NALF1: variants seen among roughly 807,000 people sequenced by gnomAD.
NALF1 encodes NALCN channel auxiliary factor 1, also known as family with sequence similarity 155 member A.
A neutral mutation model predicts 48.4 loss-of-function variants in NALF1; 3 were observed. That is an observed-to-expected ratio of 0.06 (90% CI 0.03 to 0.16). The LOEUF (loss-of-function observed/expected upper bound fraction) is 0.16. Among genes scored for constraint, NALF1 ranks in the 10% least tolerant of loss-of-function variants. The pLI, the probability that NALF1 is intolerant of heterozygous loss-of-function variation, is 1.00. For synonymous variants in NALF1, 262 were observed against 245.7 expected (o/e 1.07, Z -0.62); for missense variants, 526 against 571.5 (o/e 0.92, Z 0.81).
At chr13:107,804,511 C>A (rs1878716045) in intron 1 of NALF1, among the ~76,000 whole-genome samples, 1 of 152,040 alleles carries the variant, frequency 6.6e-6, no homozygotes, top group Non-Finnish European at 1.5e-5. Flanking sequence ...AAGTCCTGGA[C>A]TAGTCCCCAA....
rs1880240103 is a variant in NALF1, at chr13:107,848,813, A to G, written c.915+16869T>C. 2.0e-5 allele frequency among the ~76,000 whole-genome samples: 3 copies of G among 152,328 alleles called. No homozygotes were observed. In the South Asian group the frequency reaches 6.2e-4, roughly 32 times the overall value. Reference sequence around the variant, plus strand: ...ATTTGATACTAAATGATTTAAATGAACAGGCAGGGGAAATTTCTGAAATAC... The same window carrying G: ...ATTTGATACTAAATGATTTAAATGAGCAGGCAGGGGAAATTTCTGAAATAC... On this transcript the variant is annotated intron_variant, in intron 1 of 2. Coordinates refer to ENST00000375915, the MANE Select transcript of NALF1 (RefSeq NM_001080396.3).
At chr13:107,503,743 G>T (rs999770901) in intron 1 of NALF1, among the ~76,000 whole-genome samples, 4 of 26,828 alleles carry the variant, frequency 1.5e-4, no homozygotes, top group African/African-American at 4.3e-4. Context: ...TGTGTGTCTG[G>T]TGTGTGTGTT....
At chr13:107,183,500 C>A (rs1042654973) in intron 2 of NALF1, among the ~76,000 whole-genome samples, 1 of 152,100 alleles carries the variant, frequency 6.6e-6, no homozygotes, top group Admixed American at 6.5e-5. Context: ...TGGGTATATA[C>A]CCAAAGGATC....
At chr13:107,277,820 T>C (rs1286052031) in intron 1 of NALF1, among the ~76,000 whole-genome samples, 5 of 152,192 alleles carry the variant, frequency 3.3e-5, no homozygotes, top group Non-Finnish European at 5.9e-5. Context: ...CAAATCAACA[T>C]GACTTTAAAA....
At chr13:107,766,131 A>T (rs1457642676) in intron 1 of NALF1, among the ~76,000 whole-genome samples, 1 of 152,196 alleles carries the variant, frequency 6.6e-6, no homozygotes, top group Non-Finnish European at 1.5e-5. Context: ...GAATGTAATT[A>T]CAGATGTACG....
At chr13:107,629,532 G>A (rs1879774289) in intron 1 of NALF1, among the ~76,000 whole-genome samples, 2 of 152,186 alleles carry the variant, frequency 1.3e-5, no homozygotes, top group South Asian at 4.2e-4. Flanking sequence ...ATTGTCTACT[G>A]AACATCACTT....
rs1883072969 is a variant in NALF1, at chr13:107,362,135, G to T, written c.916-151380C>A. 6.6e-6 allele frequency among the ~76,000 whole-genome samples: 1 copy of T among 152,074 alleles called. No homozygotes were observed. The highest frequency in any genetic ancestry group is 2.4e-5 in the African/African-American group (1 of 41,384). On this transcript the variant is annotated intron_variant, in intron 1 of 2. Transcript: ENST00000375915. This position sits in a 1 kb window ranked among gnomAD's most constrained non-coding sequence, Gnocchi z 4.6. ...CTTAAGCTACTGAAATTTGGGGGCT[G>T]GTTGTTACTCGAAAATAATCTACCC...
intron 1 of NALF1, among the ~76,000 whole-genome samples, chr13:107,536,889 C>A (rs935173817): frequency 1.1e-4 from 16 of 152,242 alleles, no homozygotes; most frequent in African/African-American, 3.6e-4. Flanking sequence ...CCATGGAATA[C>A]TATGCAGCCA....
chr13:107,433,257 A>G (rs1445918816), intron 1 of NALF1, among the ~76,000 whole-genome samples: 1 of 152,188 alleles, frequency 6.6e-6, no homozygotes, highest in Non-Finnish European at 1.5e-5. Context: ...TGTACATTAT[A>G]ATAACTTTAT....
At chr13:107,751,041 A>T (rs1296875080) in intron 1 of NALF1, among the ~76,000 whole-genome samples, 1 of 152,248 alleles carries the variant, frequency 6.6e-6, no homozygotes, top group Admixed American at 6.5e-5. Context: ...TCTTTCAACT[A>T]CAAAATGGAA....
chr13:107,363,864 T>G (rs756682198), intron 1 of NALF1, among the ~76,000 whole-genome samples: 1 of 152,222 alleles, frequency 6.6e-6, no homozygotes, highest in Non-Finnish European at 1.5e-5. Flanking sequence ...TTTTCTAACC[T>G]TCTCAAGAAA....
chr13:107,267,296 C>A (rs529449741), intron 1 of NALF1, among the ~76,000 whole-genome samples: 1 of 151,746 alleles, frequency 6.6e-6, no homozygotes, highest in Non-Finnish European at 1.5e-5. Context: ...TAAAATTGGA[C>A]CAAAGAGGTA....
chr13:107,810,489 T>C (rs1311391159), intron 1 of NALF1, among the ~76,000 whole-genome samples: 1 of 152,134 alleles, frequency 6.6e-6, no homozygotes, highest in Non-Finnish European at 1.5e-5. Context: ...CCTAAGTCTA[T>C]ACATTTCTGT....
chr13:107,681,879 G>A (rs1172923988), intron 1 of NALF1, among the ~76,000 whole-genome samples: 1 of 152,152 alleles, frequency 6.6e-6, no homozygotes, highest in Admixed American at 6.5e-5. Flanking sequence ...TGACAGAGTG[G>A]CCTCGTTATT....
At chr13:107,520,697 G>A (rs1228888401) in intron 1 of NALF1, among the ~76,000 whole-genome samples, 1 of 152,162 alleles carries the variant, frequency 6.6e-6, no homozygotes, top group Non-Finnish European at 1.5e-5. Context: ...GTCACTGGTG[G>A]ACGAACTCTT....
chr13:107,643,154 A>G (rs1880207196), intron 1 of NALF1, among the ~76,000 whole-genome samples: 1 of 152,176 alleles, frequency 6.6e-6, no homozygotes, highest in Non-Finnish European at 1.5e-5. Flanking sequence ...GCCATGGGTT[A>G]TGGTCTTCAC....
intron 2 of NALF1, among the ~76,000 whole-genome samples, chr13:107,207,324 A>G (rs182902338): frequency 2.0e-4 from 31 of 152,354 alleles, no homozygotes; most frequent in African/African-American, 7.5e-4. Flanking sequence ...CAGAATGTAA[A>G]TGGCTCACAT....
intron 1 of NALF1, among the ~76,000 whole-genome samples, chr13:107,332,116 C>T (rs901413671): frequency 2.0e-5 from 3 of 152,070 alleles, no homozygotes; most frequent in African/African-American, 7.2e-5. Flanking sequence ...GCAAACAAAC[C>T]CATTTTGTTT....
chr13:107,342,501 C>T (rs1290743823), intron 1 of NALF1, among the ~76,000 whole-genome samples: 1 of 152,020 alleles, frequency 6.6e-6, no homozygotes, highest in Non-Finnish European at 1.5e-5. Flanking sequence ...TATGAGAACT[C>T]CAGAAAGCAG....
Sources: allele counts gnomAD v4.1 joint callset (sites outside exome capture counted in the v4.1 genomes callset), GRCh38; gene constraint gnomAD v4.1.1; non-coding constraint Gnocchi (gnomAD v3.1); transcripts MANE v1.5; gene names NCBI Gene and HGNC (gene_info 2026-07-23, HGNC 2026-07-21).